PLCB1: variants seen among roughly 807,000 people sequenced by gnomAD.
The protein encoded by PLCB1 is phospholipase C beta 1.
A neutral mutation model predicts 161.8 loss-of-function variants in PLCB1; 46 were observed. The observed-to-expected ratio is 0.28, with a 90% CI of 0.22 to 0.36. PLCB1 has a LOEUF of 0.36. PLCB1 is among the 10% of genes least tolerant of loss of function. PLCB1 has a pLI of 1.00. For missense variants in PLCB1, 1,016 were observed against 1,472.5 expected, an observed-to-expected ratio of 0.69 and a Z score of 5.07; for synonymous variants, 517 against 503.7, an observed-to-expected ratio of 1.03 and a Z score of -0.35.
intron 9 of PLCB1, among the ~76,000 whole-genome samples, chr20:8,682,239 G>A (rs576829852): frequency 6.6e-6 from 1 of 152,268 alleles, no homozygotes; most frequent in African/African-American, 2.4e-5. Flanking sequence ...AGCGGCTCAC[G>A]CCTGTAACCT....
chr20:8,712,127 C>A (rs945554058), intron 12 of PLCB1, among the ~76,000 whole-genome samples: 1 of 152,060 alleles, frequency 6.6e-6, no homozygotes, highest in Non-Finnish European at 1.5e-5. Context: ...ATTGTGAAAT[C>A]CAGTCTCTAC....
At chr20:8,158,242 T>C (rs1182218511) in intron 2 of PLCB1, among the ~76,000 whole-genome samples, 1 of 152,242 alleles carries the variant, frequency 6.6e-6, no homozygotes, top group Admixed American at 6.5e-5. Context: ...GGTATTGATA[T>C]AATGCCATGC....
At chr20:8,546,249 G>C (rs942970371) in intron 3 of PLCB1, among the ~76,000 whole-genome samples, 13 of 148,574 alleles carry the variant, frequency 8.7e-5, no homozygotes, top group Non-Finnish European at 1.6e-4. Flanking sequence ...AGGAGGCGGA[G>C]GTTGCAGTGA....
intron 2 of PLCB1, among the ~76,000 whole-genome samples, chr20:8,226,664 G>A (rs1387257270): frequency 1.3e-5 from 2 of 151,796 alleles, no homozygotes; most frequent in Non-Finnish European, 2.9e-5. Flanking sequence ...AAATTAAAGA[G>A]AAATGAAAAG....
At chr20:8,650,305 T>C (rs1165880258) in intron 7 of PLCB1, among the ~76,000 whole-genome samples, 1 of 152,124 alleles carries the variant, frequency 6.6e-6, no homozygotes, top group African/African-American at 2.4e-5. Context: ...CCATAAGATA[T>C]GTCCATGTCA....
intron 3 of PLCB1, among the ~76,000 whole-genome samples, chr20:8,507,981 A>G (rs1415051644): frequency 6.6e-6 from 1 of 152,002 alleles, no homozygotes; most frequent in African/African-American, 2.4e-5. Flanking sequence ...AGCATCTAAC[A>G]CCCTCCACCC....
chr20:8,242,521 T>A (rs1254357705), intron 2 of PLCB1, among the ~76,000 whole-genome samples: 7 of 151,832 alleles, frequency 4.6e-5, no homozygotes, highest in Non-Finnish European at 1.0e-4. Flanking sequence ...ATCCTCTAAT[T>A]GAGAGGGGAA....
At chr20:8,741,699 C>A in intron 23 of PLCB1, 126 bp downstream of exon 23, 1 of 627,464 alleles carries the variant, frequency 1.6e-6, no homozygotes, top group African/African-American at 1.8e-5. Flanking sequence ...CACTTTCATG[C>A]AGTTTAGCAT....
At chr20:8,802,005 A>G (rs1168072350) in intron 31 of PLCB1, 1 of 1,077,784 alleles carries the variant, frequency 9.3e-7, no homozygotes, top group Non-Finnish European at 1.4e-6. Context: ...GATGACTTAG[A>G]AATCAATTTC....
At chr20:8,636,509 C>T (rs1887718966) in intron 4 of PLCB1, among the ~76,000 whole-genome samples, 2 of 152,282 alleles carry the variant, frequency 1.3e-5, no homozygotes, top group South Asian at 4.1e-4. Context: ...CTATCTGGAA[C>T]ATTTGTTTAA....
chr20:8,344,283 G>A (rs557807154), intron 2 of PLCB1, among the ~76,000 whole-genome samples: 33 of 152,314 alleles, frequency 2.2e-4, no homozygotes, highest in African/African-American at 7.5e-4. Flanking sequence ...TAACCAACCC[G>A]AGAGATGGAT....
chr20:8,397,451 C>CA (rs1399284170), intron 3 of PLCB1, among the ~76,000 whole-genome samples: 16 of 152,206 alleles, frequency 1.1e-4, no homozygotes, highest in Admixed American at 5.9e-4. Flanking sequence ...TCCTTTGCCT[C>CA]AGCATTCAAA....
chr20:8,300,105 G>C (rs1159992213), intron 2 of PLCB1, among the ~76,000 whole-genome samples: 1 of 152,120 alleles, frequency 6.6e-6, no homozygotes, highest in East Asian at 1.9e-4. Context: ...GCTGACTTAG[G>C]ATGGCTTCAG....
intron 26 of PLCB1, among the ~76,000 whole-genome samples, chr20:8,770,318 A>G (rs1160687623): frequency 6.6e-6 from 1 of 152,180 alleles, no homozygotes; most frequent in Non-Finnish European, 1.5e-5. Context: ...TCACTTTTTC[A>G]AGGAGGAAGC....
intron 31 of PLCB1, among the ~76,000 whole-genome samples, chr20:8,817,489 A>G (rs976642339): frequency 1.3e-5 from 2 of 152,188 alleles, no homozygotes; most frequent in Non-Finnish European, 2.9e-5. Flanking sequence ...TGAAGGGCCA[A>G]ACTGAGTGCT....
intron 11 of PLCB1, among the ~76,000 whole-genome samples, chr20:8,704,499 A>G (rs1368456480): frequency 6.6e-6 from 1 of 152,264 alleles, no homozygotes; most frequent in East Asian, 1.9e-4. Context: ...ATGAATCAAC[A>G]TTCAATCTTC....
At chr20:8,573,732 G>C (rs1986594393) in intron 3 of PLCB1, among the ~76,000 whole-genome samples, 1 of 152,142 alleles carries the variant, frequency 6.6e-6, no homozygotes, top group African/African-American at 2.4e-5. Context: ...AAGGCATAAA[G>C]AGCTTTTTCC....
At chr20:8,146,308 T>A (rs2051454003) in intron 1 of PLCB1, among the ~76,000 whole-genome samples, 1 of 152,218 alleles carries the variant, frequency 6.6e-6, no homozygotes, top group African/African-American at 2.4e-5. Context: ...GTGCTTCCCA[T>A]ACCAGCTTAA....
intron 2 of PLCB1, among the ~76,000 whole-genome samples, chr20:8,168,138 C>T (rs1302096730): frequency 6.6e-6 from 1 of 152,196 alleles, no homozygotes; most frequent in East Asian, 1.9e-4. Context: ...ACTGGCACTT[C>T]TGCCACATTT....
Sources: allele counts gnomAD v4.1 joint callset (sites outside exome capture counted in the v4.1 genomes callset), GRCh38; gene constraint gnomAD v4.1.1; transcripts MANE v1.5; gene names NCBI Gene and HGNC (gene_info 2026-07-23, HGNC 2026-07-21).